PRKCA: variants seen among roughly 807,000 people sequenced by gnomAD.
PRKCA encodes protein kinase C alpha type.
PRKCA carries 27 observed loss-of-function variants against 87.0 expected under a neutral mutation model. The ratio of observed to expected loss-of-function variants is 0.31; its 90% CI spans 0.23 to 0.43. The LOEUF (loss-of-function observed/expected upper bound fraction) is 0.43. Ranked by LOEUF, PRKCA falls within the 20% of genes least tolerant of loss-of-function variation. The pLI, the probability that PRKCA is intolerant of heterozygous loss-of-function variation, is 1.00. For synonymous variants in PRKCA, 329 were observed against 311.1 expected (o/e 1.06, Z -0.61); for missense variants, 518 against 852.3 (o/e 0.61, Z 4.88).
At chr17:66,442,030 G>A (rs532433165) in intron 2 of PRKCA, among the ~76,000 whole-genome samples, 7 of 151,752 alleles carry the variant, frequency 4.6e-5, no homozygotes, top group Admixed American at 1.3e-4. Flanking sequence ...TTTTTATATA[G>A]CATCATGTTT....
chr17:66,742,609 C>T lies in PRKCA; in HGVS notation c.1386-13C>T, dbSNP rs369706599. On this transcript the variant is annotated splice_polypyrimidine_tract_variant and intron_variant, in intron 12 of 16. Coordinates refer to ENST00000413366, the MANE Select transcript of PRKCA (RefSeq NM_002737.3). ...CATGGGAAGGACTCTGATGTTAACC[C>T]GGTTCCTTGCAGGGATCTGAAGTTA... 1.3e-5 allele frequency: 21 copies of T among 1,613,056 alleles called. No homozygotes were observed. The highest frequency in any genetic ancestry group is 8.0e-5 in the African/African-American group (6 of 74,918).
At chr17:66,726,646 G>T (rs552496655) in intron 8 of PRKCA, among the ~76,000 whole-genome samples, 57 of 152,202 alleles carry the variant, frequency 3.7e-4, no homozygotes, top group Middle Eastern at 3.4e-3. Flanking sequence ...AGAGCAGAGC[G>T]AGTGTCCTCC....
chr17:66,693,946 T>G (rs1598878956), intron 8 of PRKCA, among the ~76,000 whole-genome samples: 1 of 152,230 alleles, frequency 6.6e-6, no homozygotes, highest in East Asian at 1.9e-4. Flanking sequence ...TTTAGTCACT[T>G]ATTTACTATG....
chr17:66,765,418 C>CTATATGTA (rs1974778187), intron 13 of PRKCA, among the ~76,000 whole-genome samples: 1 of 49,310 alleles, frequency 2.0e-5, no homozygotes, highest in Non-Finnish European at 3.9e-5. Flanking sequence ...AAGACTTTGT[C>CTATATGTA]TATATATATA....
intron 2 of PRKCA, among the ~76,000 whole-genome samples, chr17:66,471,902 T>A (rs1915343738): frequency 6.6e-6 from 1 of 152,166 alleles, no homozygotes; most frequent in African/African-American, 2.4e-5. Flanking sequence ...CATATTTAAG[T>A]ACTATAAAAT....
chr17:66,646,454 T>C (rs1480193385), intron 5 of PRKCA, among the ~76,000 whole-genome samples: 2 of 1,892 alleles, frequency 1.1e-3, no homozygotes, highest in Non-Finnish European at 1.9e-3. Flanking sequence ...GCCTATTTCC[T>C]TGCACTTGGG....
At chr17:66,616,905 A>G (rs1270272874) in intron 3 of PRKCA, among the ~76,000 whole-genome samples, 1 of 150,984 alleles carries the variant, frequency 6.6e-6, no homozygotes, top group Non-Finnish European at 1.5e-5. Flanking sequence ...GGCCGTGGTC[A>G]GTTTCTTGGT....
At chr17:66,563,168 A>G (rs959586368) in intron 3 of PRKCA, among the ~76,000 whole-genome samples, 1 of 152,076 alleles carries the variant, frequency 6.6e-6, no homozygotes, top group Admixed American at 6.5e-5. Context: ...TACATTTCTT[A>G]CAACTGATGC....
At chr17:66,342,617 A>G (rs1246742453) in intron 2 of PRKCA, among the ~76,000 whole-genome samples, 3 of 151,998 alleles carry the variant, frequency 2.0e-5, no homozygotes, top group Non-Finnish European at 4.4e-5. Context: ...TAGAAACTAT[A>G]AAAATAGTGT....
intron 13 of PRKCA, among the ~76,000 whole-genome samples, chr17:66,746,866 T>G (rs1974300099): frequency 6.6e-6 from 1 of 152,176 alleles, no homozygotes; most frequent in Admixed American, 6.5e-5. Context: ...TCTCTGAAAC[T>G]TAGTTATTCT....
intron 3 of PRKCA, among the ~76,000 whole-genome samples, chr17:66,612,442 A>G (rs1338551886): frequency 6.6e-6 from 1 of 151,840 alleles, no homozygotes; most frequent in Non-Finnish European, 1.5e-5. Context: ...CCCAAGAGAC[A>G]TTATTAACAG....
At chr17:66,660,857 C>T (rs865996873) in intron 5 of PRKCA, among the ~76,000 whole-genome samples, 3 of 151,930 alleles carry the variant, frequency 2.0e-5, no homozygotes, top group African/African-American at 7.2e-5. Context: ...TGCAGTGAGC[C>T]GAGATCGCAC....
At chr17:66,549,392 TCTGGTGTAG>T (rs1214871829) in intron 3 of PRKCA, among the ~76,000 whole-genome samples, 1 of 152,024 alleles carries the variant, frequency 6.6e-6, no homozygotes, top group Non-Finnish European at 1.5e-5. Context: ...CCAGCCAGGG[TCTGGTGTAG>T]CTCAGCAGGT....
At chr17:66,780,139 C>T (rs1021830670) in intron 14 of PRKCA, among the ~76,000 whole-genome samples, 4 of 151,990 alleles carry the variant, frequency 2.6e-5, no homozygotes, top group African/African-American at 4.8e-5. Context: ...ACACCTGGGA[C>T]GTTATTATGG....
At chr17:66,459,462 T>C (rs1240503793) in intron 2 of PRKCA, among the ~76,000 whole-genome samples, 1 of 152,242 alleles carries the variant, frequency 6.6e-6, no homozygotes. Flanking sequence ...AAAAAGTATA[T>C]AGTAGAATCC....
chr17:66,456,204 T>G (rs1914569102), intron 2 of PRKCA, among the ~76,000 whole-genome samples: 1 of 152,190 alleles, frequency 6.6e-6, no homozygotes, highest in African/African-American at 2.4e-5. Flanking sequence ...ATCAATGCCT[T>G]GATTCCAGAC....
intron 14 of PRKCA, among the ~76,000 whole-genome samples, chr17:66,779,922 C>T (rs562093455): frequency 1.2e-4 from 18 of 152,270 alleles, no homozygotes; most frequent in Admixed American, 9.2e-4. Flanking sequence ...CTGAGTGACA[C>T]GTTACCCCCA....
intron 2 of PRKCA, among the ~76,000 whole-genome samples, chr17:66,403,395 A>G (rs964887633): frequency 4.6e-5 from 7 of 152,196 alleles, no homozygotes; most frequent in Non-Finnish European, 7.4e-5. Flanking sequence ...ACAGCTCTGT[A>G]ATGTTTAGGA....
intron 3 of PRKCA, among the ~76,000 whole-genome samples, chr17:66,615,506 A>C (rs1970490776): frequency 6.6e-6 from 1 of 152,126 alleles, no homozygotes; most frequent in Admixed American, 6.5e-5. Context: ...CTTGTAAGTG[A>C]TTTTTGAAAC....
Sources: gnomAD v4.1 joint callset for allele counts (sites outside exome capture counted in the v4.1 genomes callset) on GRCh38, gnomAD v4.1.1 for gene constraint, MANE v1.5 for transcripts, NCBI Gene and HGNC (gene_info 2026-07-23, HGNC 2026-07-21) for gene names.